FBXL5: variants seen among roughly 807,000 people sequenced by gnomAD.
FBXL5 encodes the protein F-box and leucine rich repeat protein 5, also known as F-box/LRR-repeat protein 5.
In FBXL5, 26 loss-of-function variants were observed where a neutral mutation model predicts 78.3. The observed-to-expected ratio is 0.33, with a 90% confidence interval of 0.24 to 0.46. FBXL5 has a LOEUF of 0.46. Among genes scored for constraint, FBXL5 ranks in the 20% least tolerant of loss-of-function variants. FBXL5 has a pLI of 1.00. For synonymous variants in FBXL5, 295 were observed against 282.5 expected, an observed-to-expected ratio of 1.04 and a Z score of -0.45; for missense variants, 710 against 829.2, an observed-to-expected ratio of 0.86 and a Z score of 1.77.
At chr4:15,658,403 A>G (rs1000222190), upstream of FBXL5, among the ~76,000 whole-genome samples, 41 of 152,346 alleles carry the variant, frequency 2.7e-4, no homozygotes, top group African/African-American at 9.6e-4. Flanking sequence ...TTAATCCCCA[A>G]TAAGGCAGTA....
chr4:15,613,020 A>C (rs1646614785), intron 9 of FBXL5, among the ~76,000 whole-genome samples: 1 of 152,230 alleles, frequency 6.6e-6, no homozygotes, highest in African/African-American at 2.4e-5. Context: ...TTCTGCAGCC[A>C]CAAAGTACTG....
At chr4:15,667,861 G>T (rs7687010) in intron 1 of FBXL5, among the ~76,000 whole-genome samples, 42,054 of 151,764 alleles carry the variant, frequency 0.28, 6,046 homozygotes, top group East Asian at 0.47. Context: ...GACCAACGTG[G>T]AGAAACCCCG....
In FBXL5 at chr4:15,612,259, G is replaced by A; in HGVS notation, c.1999+7C>T. 1.3e-6 allele frequency: 2 copies of A among 1,568,258 alleles called. No homozygotes were observed. The highest frequency in any genetic ancestry group is 1.7e-6 in the Non-Finnish European group (2 of 1,166,950). On this transcript the variant is annotated splice_region_variant and intron_variant, in intron 10 of 10. Coordinates refer to ENST00000341285, the MANE Select transcript of FBXL5 (RefSeq NM_012161.4). Reference sequence around the variant, plus strand: ...TTCAAAATTATCGCACTGTTAAAAGGCATTACCGTTAATGTTGTCACAGTA... The same window carrying A: ...TTCAAAATTATCGCACTGTTAAAAGACATTACCGTTAATGTTGTCACAGTA...
chr4:15,658,994 C>G (rs764343780), upstream of FBXL5, among the ~76,000 whole-genome samples: 6 of 152,174 alleles, frequency 3.9e-5, no homozygotes, highest in Non-Finnish European at 5.9e-5. Flanking sequence ...AGCTTTTAAA[C>G]TCAGTTTCAT....
At chr4:15,666,698 GGTGT>G (rs374806933) in intron 1 of FBXL5, among the ~76,000 whole-genome samples, 9 of 152,032 alleles carry the variant, frequency 5.9e-5, no homozygotes, top group African/African-American at 1.9e-4. Context: ...CAGGTGTGGT[GGTGT>G]GTGCCTGTGA....
At chr4:15,622,871 G>A (rs957221427) in intron 9 of FBXL5, among the ~76,000 whole-genome samples, 3 of 152,048 alleles carry the variant, frequency 2.0e-5, no homozygotes, top group Non-Finnish European at 2.9e-5. Flanking sequence ...CAATTCAAAC[G>A]CAAACTTTCT....
chr4:15,628,787 ACGCACACACACACACACG>A (rs1713330071), intron 6 of FBXL5, among the ~76,000 whole-genome samples: 1 of 77,894 alleles, frequency 1.3e-5, no homozygotes, highest in East Asian at 7.0e-4. Flanking sequence ...ACACACACAC[ACGCACACACACACACACG>A]AAGATAAAAT....
rs1424192160 is a variant in FBXL5 at position 15,606,676 on chromosome 4, T to C, written c.2000-877A>G. Among the ~76,000 whole-genome samples, 3 of 152,204 alleles carry C rather than the reference T, an allele frequency of 2.0e-5. No individual in the cohort carries two copies. The South Asian group carries it at 6.2e-4, about 32-fold the overall frequency. ...GTCTATACCATGAACAAATAAGGAGTAGTTAATTTGTTCTTTACATATCAA... is the reference window on the plus strand; with the variant it reads ...GTCTATACCATGAACAAATAAGGAGCAGTTAATTTGTTCTTTACATATCAA... On this transcript the variant is annotated intron_variant, in intron 10 of 10. Transcript: ENST00000341285.
intron 10 of FBXL5, among the ~76,000 whole-genome samples, chr4:15,606,634 T>C (rs1192725661): frequency 2.6e-5 from 4 of 152,342 alleles, no homozygotes; most frequent in Middle Eastern, 3.4e-3. Context: ...TTCAACTATA[T>C]TGAAGTCTTT....
Position 15,675,864 on chromosome 4 carries a change from T to C in FBXL5, c.-284+5519A>G, listed in dbSNP as rs565084675. Among the ~76,000 whole-genome samples the C allele has an allele frequency of 1.9e-4, 29 of 152,260 alleles. No homozygotes were observed. In the South Asian group the frequency reaches 3.9e-3, roughly 21 times the overall value. On this transcript the variant is annotated intron_variant, in intron 1 of 4. Transcript: ENST00000507899. ...TCCCAAAGTGCTGGGATTACAGGCA[T>C]GAGCCACCGCGCCCAGCCAAAACTC...
intron 3 of FBXL5, 60 bp from the exon 4 acceptor site, chr4:15,638,754 C>T: frequency 9.2e-7 from 1 of 1,088,162 alleles, no homozygotes; most frequent in Non-Finnish European, 1.3e-6. Flanking sequence ...TTACTCTAAA[C>T]CCTTTTAAAT....
intron 1 of FBXL5, among the ~76,000 whole-genome samples, chr4:15,679,562 C>CAAAAAA (rs1202369624): frequency 5.3e-5 from 5 of 94,320 alleles, no homozygotes; most frequent in Admixed American, 1.1e-4. Flanking sequence ...AGTTCAGGAA[C>CAAAAAA]AAAAAAAAAA....
rs34334098 is a variant in FBXL5 at position 15,650,661 on chromosome 4, CTTTTTTTTT to C, written c.84+4534_84+4542del. Among the ~76,000 whole-genome samples the C allele has an allele frequency of 1.9e-3, 146 of 77,926 alleles. 1 individual carries two copies. In the Middle Eastern group the frequency reaches 0.055, roughly 29 times the overall value. The allele number at this position is 77,926 out of a possible 152,430, so 51.1% of individuals were successfully genotyped here. A position where few individuals can be genotyped will look rare whatever the true frequency, so the allele number is the denominator to read the frequency against. ...TTTAAAAGGATTTATAACTGACTTT[CTTTTTTTTT>C]TTTTTTTTTTTTTTTGAGACAGAGT... is the stretch of plus-strand genomic sequence containing the variant. On this transcript the variant is annotated intron_variant, in intron 1 of 10. Transcript: ENST00000341285.
At position 15,650,489 on chromosome 4, in the gene FBXL5, T is replaced by G. The variant is rs1429484037; in HGVS notation, c.84+4715A>C. On this transcript the variant is annotated intron_variant, in intron 1 of 10. Transcript: ENST00000341285. ...CTACTAATAGGTCACAGGACACATT[T>G]TGAAGAGCACTCTTCTACAGTAAAA... Among the ~76,000 whole-genome samples the G allele has an allele frequency of 2.6e-5, 4 of 152,100 alleles. No homozygotes were observed. The East Asian group carries it at 5.8e-4, about 22-fold the overall frequency.
In FBXL5 at chr4:15,644,664, A is replaced by C; in HGVS notation, c.129T>G (p.Leu43=). The part of the protein sequence containing the change: ...NFSNNNDFRA[L]LQSLYATFKE... Reference sequence around the variant, plus strand: ...TGAAAGTAGCATACAAAGACTGCAGAAGAGCACGGAAATCGTTGTTGTTGG... The same window carrying C: ...TGAAAGTAGCATACAAAGACTGCAGCAGAGCACGGAAATCGTTGTTGTTGG... Residue 43 remains leucine, a synonymous_variant, in exon 2 of 11, where the codon CTT becomes CTG. Transcript: ENST00000341285. 5.0e-6 allele frequency: 8 copies of C among 1,612,820 alleles called. No individual in the cohort carries two copies. Among genetic ancestry groups the C allele is most frequent in the Non-Finnish European group, 6.8e-6 (8 of 1,179,380 alleles).
chr4:15,676,619 G>C (rs1718004538), intron 1 of FBXL5, among the ~76,000 whole-genome samples: 1 of 151,954 alleles, frequency 6.6e-6, no homozygotes, highest in African/African-American at 2.4e-5. Flanking sequence ...AAATGTTACA[G>C]GGTCATACAT....
chr4:15,612,375 G>C lies in FBXL5; in HGVS notation c.1890C>G (p.His630Gln). The C allele has an allele frequency of 6.2e-7, 1 of 1,611,904 alleles. No individual in the cohort carries two copies. Among genetic ancestry groups the C allele is most frequent in the Non-Finnish European group, 8.5e-7 (1 of 1,179,130 alleles). Reference sequence around the variant, plus strand: ...TAGTAAGACAACCAGAGAGATTAAGGTGCTCCAAATAAGGCAGCCCTCCTC... The same window carrying C: ...TAGTAAGACAACCAGAGAGATTAAGCTGCTCCAAATAAGGCAGCCCTCCTC... ...TLGGGLPYLE[H>Q]LNLSGCLTIT... Residue 630 changes from histidine to glutamine, a missense_variant, in exon 10 of 11, where the codon CAC becomes CAG. This residue lies in a region of FBXL5 where 58 missense variants were observed against 112.3 expected (regional missense o/e 0.52). Transcript: ENST00000341285.
chr4:15,627,636 A>C (rs111820000), intron 7 of FBXL5, among the ~76,000 whole-genome samples: 112 of 152,338 alleles, frequency 7.4e-4, no homozygotes, highest in African/African-American at 2.5e-3. Flanking sequence ...GAAACTGAAT[A>C]AAATGTTTAA....
intron 1 of FBXL5, among the ~76,000 whole-genome samples, chr4:15,648,644 C>A (rs901812769): frequency 6.6e-5 from 10 of 152,032 alleles, no homozygotes; most frequent in Non-Finnish European, 1.5e-4. Flanking sequence ...TATGATCTCA[C>A]TATATATGGA....
Sources: allele counts gnomAD v4.1 joint callset (sites outside exome capture counted in the v4.1 genomes callset), GRCh38; gene constraint gnomAD v4.1.1; regional missense constraint gnomAD v4.1.1; transcripts MANE v1.5; gene names NCBI Gene and HGNC (gene_info 2026-07-23, HGNC 2026-07-21).